Variants in TENM4 observed in about 807,000 individuals in gnomAD.
TENM4 encodes teneurin-4.
A neutral mutation model predicts 243.3 loss-of-function variants in TENM4; 82 were observed. The observed-to-expected ratio is 0.34, with a 90% CI of 0.28 to 0.40. TENM4 has a LOEUF of 0.40. Ranked by LOEUF, TENM4 falls within the 10% of genes least tolerant of loss-of-function variation. The pLI, the probability that TENM4 is intolerant of heterozygous loss-of-function variation, is 1.00. For synonymous variants in TENM4, 1,412 were observed against 1,456.3 expected, an observed-to-expected ratio of 0.97 and a Z score of 0.69; for missense variants, 3,138 against 3,673.3, an observed-to-expected ratio of 0.85 and a Z score of 3.77.
intron 20 of TENM4, among the ~76,000 whole-genome samples, chr11:78,735,132 T>C (rs1855756906): frequency 6.6e-6 from 1 of 152,154 alleles, no homozygotes; most frequent in Non-Finnish European, 1.5e-5. Context: ...GTAGATGGCA[T>C]CCCCAGATTT....
At chr11:79,080,556 A>G (rs10793357) in intron 4 of TENM4, among the ~76,000 whole-genome samples, 141,042 of 152,244 alleles carry the variant, frequency 0.93, 65,609 homozygotes, top group Middle Eastern at 0.98. Flanking sequence ...AATCCACTGG[A>G]AGCCTCTTGG....
intron 3 of TENM4, among the ~76,000 whole-genome samples, chr11:79,202,219 AG>A (rs1313121536): frequency 6.6e-6 from 1 of 152,170 alleles, no homozygotes; most frequent in Non-Finnish European, 1.5e-5. Context: ...TCTGACTGCC[AG>A]GTCTTCCCTG....
At chr11:79,059,247 T>C (rs1860025183) in intron 6 of TENM4, among the ~76,000 whole-genome samples, 1 of 152,182 alleles carries the variant, frequency 6.6e-6, no homozygotes, top group African/African-American at 2.4e-5. Flanking sequence ...ACATTCTTAC[T>C]GTTCCCCAGA....
At chr11:79,241,446 A>AATT (rs1855415574) in intron 2 of TENM4, among the ~76,000 whole-genome samples, 1 of 151,872 alleles carries the variant, frequency 6.6e-6, no homozygotes, top group Non-Finnish European at 1.5e-5. Context: ...AGAATTCGTC[A>AATT]CTCTGAAGTT....
At chr11:79,039,318 T>G (rs1004164155) in intron 6 of TENM4, among the ~76,000 whole-genome samples, 25 of 152,132 alleles carry the variant, frequency 1.6e-4, no homozygotes, top group Non-Finnish European at 3.4e-4. Context: ...GATGGCAAAG[T>G]GAATGCCACC....
At chr11:79,431,331 G>C (rs1217435468) in intron 1 of TENM4, among the ~76,000 whole-genome samples, 1 of 152,124 alleles carries the variant, frequency 6.6e-6, no homozygotes, top group African/African-American at 2.4e-5. Context: ...TCCGCTGCTA[G>C]GCTTGGCCAC....
chr11:78,745,599 A>G (rs1178509508), intron 19 of TENM4, among the ~76,000 whole-genome samples: 1 of 152,196 alleles, frequency 6.6e-6, no homozygotes, highest in African/African-American at 2.4e-5. Context: ...CCAGACATGT[A>G]ACCAAGTAAC....
intron 1 of TENM4, among the ~76,000 whole-genome samples, chr11:79,391,030 C>T (rs580331): frequency 0.51 from 77,050 of 151,916 alleles, 19,645 homozygotes; most frequent in Non-Finnish European, 0.55. Context: ...TAAGAGGCAG[C>T]GTCATTAAAA....
chr11:79,266,612 C>A (rs1237132873), intron 2 of TENM4, among the ~76,000 whole-genome samples: 4 of 152,176 alleles, frequency 2.6e-5, no homozygotes, highest in Non-Finnish European at 4.4e-5. Flanking sequence ...GTCTTTACAA[C>A]CTTCCACTTA....
intron 1 of TENM4, among the ~76,000 whole-genome samples, chr11:79,361,201 G>C (rs1412854258): frequency 6.6e-6 from 1 of 152,170 alleles, no homozygotes; most frequent in Non-Finnish European, 1.5e-5. Context: ...AGTTTGAGAG[G>C]CTGAACTCAG....
At chr11:79,148,834 G>A (rs1299774959) in intron 3 of TENM4, 28 bp from the exon 4 acceptor site, 2 of 881,472 alleles carry the variant, frequency 2.3e-6, no homozygotes, top group Non-Finnish European at 2.7e-6. Context: ...AGACAAATCA[G>A]TCATTTTTGA....
In TENM4 at chr11:79,425,349, C is replaced by T. The variant is rs546350042; in HGVS notation, c.-321+15160G>A. ...CCTCCAATGACAGGGAGCTCACTCC[C>T]TCCACAAGCTGTCTAATCTCTTCTG... On this transcript the variant is annotated intron_variant, in intron 1 of 33. Transcript: ENST00000278550. Among the ~76,000 whole-genome samples the T allele has an allele frequency of 2.6e-5, 4 of 152,276 alleles. No homozygotes were observed. In the South Asian group the frequency reaches 8.3e-4, roughly 32 times the overall value.
chr11:78,807,865 A>C (rs762079552), intron 14 of TENM4, among the ~76,000 whole-genome samples: 19 of 152,184 alleles, frequency 1.2e-4, no homozygotes, highest in Non-Finnish European at 2.6e-4. Context: ...TGGTCCAATT[A>C]CATAACTGCT....
At chr11:78,943,252 T>C (rs868797109) in intron 6 of TENM4, among the ~76,000 whole-genome samples, 54 of 152,344 alleles carry the variant, frequency 3.5e-4, no homozygotes, top group Admixed American at 4.6e-4. Flanking sequence ...CCCCAACTTC[T>C]AGGAAATTTT....
At chr11:78,915,722 G>A (rs1176477327) in intron 6 of TENM4, among the ~76,000 whole-genome samples, 1 of 152,196 alleles carries the variant, frequency 6.6e-6, no homozygotes, top group African/African-American at 2.4e-5. Context: ...CAGCATCAAA[G>A]GTCAAGGCAG....
intron 4 of TENM4, among the ~76,000 whole-genome samples, chr11:79,148,274 T>C (rs1245647145): frequency 6.6e-6 from 1 of 152,116 alleles, no homozygotes; most frequent in Admixed American, 6.6e-5. Context: ...GGATGTCTAG[T>C]AGAGAAGAAA....
At chr11:78,804,756 T>G (rs1472466964) in intron 15 of TENM4, among the ~76,000 whole-genome samples, 1 of 152,070 alleles carries the variant, frequency 6.6e-6, no homozygotes, top group Non-Finnish European at 1.5e-5. Context: ...GCTGCAGAGG[T>G]GAACAAGACA....
At chr11:78,990,397 C>T (rs367565676) in intron 6 of TENM4, among the ~76,000 whole-genome samples, 60 of 152,190 alleles carry the variant, frequency 3.9e-4, no homozygotes, top group African/African-American at 1.2e-3. Context: ...ACAATAGGAC[C>T]GGAGCACCCT....
chr11:78,913,771 A>G (rs555209775), intron 6 of TENM4, among the ~76,000 whole-genome samples: 13 of 152,256 alleles, frequency 8.5e-5, no homozygotes, highest in Non-Finnish European at 1.6e-4. Flanking sequence ...GATTTGCTGG[A>G]GCGGGCCCAG....
Sources: allele counts gnomAD v4.1 joint callset (sites outside exome capture counted in the v4.1 genomes callset), GRCh38; gene constraint gnomAD v4.1.1; transcripts MANE v1.5; gene names NCBI Gene and HGNC (gene_info 2026-07-23, HGNC 2026-07-21).